Variants in ODF2L observed in about 807,000 individuals in gnomAD.
ODF2L encodes the protein outer dense fiber of sperm tails 2 like, also known as protein BCAP.
In ODF2L, 76 loss-of-function variants were observed where a neutral mutation model predicts 86.3. The ratio of observed to expected loss-of-function variants is 0.88; its 90% CI spans 0.73 to 1.07. The LOEUF is 1.07. ODF2L is among the 50% of genes least tolerant of loss of function. The probability of loss-of-function intolerance (pLI) is 0.00; values close to 1 mark genes in which losing one functional copy is unlikely to be tolerated. For synonymous variants in ODF2L, 241 were observed against 231.3 expected, an observed-to-expected ratio of 1.04 and a Z score of -0.38; for missense variants, 748 against 717.4, an observed-to-expected ratio of 1.04 and a Z score of -0.49.
chr1:86,390,698 C>T (rs1351847693), intron 1 of ODF2L, among the ~76,000 whole-genome samples: 1 of 152,130 alleles, frequency 6.6e-6, no homozygotes, highest in African/African-American at 2.4e-5. Context: ...TAATAAAAGC[C>T]ATCTATGACA....
At chr1:86,353,390 C>G (rs1047330717) in intron 16 of ODF2L, among the ~76,000 whole-genome samples, 10 of 152,112 alleles carry the variant, frequency 6.6e-5, no homozygotes, top group Admixed American at 3.3e-4. Flanking sequence ...GAATTGGGAG[C>G]AGGAATTGGT....
exon 9 of ODF2L, chr1:86,372,467 T>G: frequency 6.6e-7 from 1 of 1,519,484 alleles, no homozygotes; most frequent in Non-Finnish European, 8.8e-7. Context: ...CAATTCGGTT[T>G]TTTCTATCAC....
chr1:86,370,889 C>T, intron 10 of ODF2L, 129 bp downstream of exon 10: 1 of 507,688 alleles, frequency 2.0e-6, no homozygotes, highest in Non-Finnish European at 3.4e-6. Context: ...ACATAATATC[C>T]TGACAAGCAT....
intron 7 of ODF2L, among the ~76,000 whole-genome samples, chr1:86,379,808 G>A (rs955163399): frequency 6.6e-6 from 1 of 152,138 alleles, no homozygotes; most frequent in Non-Finnish European, 1.5e-5. Context: ...ATGACTATAA[G>A]AGTCATAAGA....
intron 11 of ODF2L, among the ~76,000 whole-genome samples, chr1:86,364,526 C>A (rs998810005): frequency 1.3e-5 from 2 of 152,186 alleles, no homozygotes; most frequent in African/African-American, 2.4e-5. Flanking sequence ...TATTTGGCTA[C>A]AGCTCAGAAT....
At chr1:86,367,678 T>C (rs1659536540) in intron 11 of ODF2L, among the ~76,000 whole-genome samples, 1 of 152,152 alleles carries the variant, frequency 6.6e-6, no homozygotes, top group African/African-American at 2.4e-5. Context: ...AAAAAACATT[T>C]ATAAACATAT....
chr1:86,362,467 T>C (rs1397466940), intron 11 of ODF2L, among the ~76,000 whole-genome samples: 1 of 151,464 alleles, frequency 6.6e-6, no homozygotes, highest in African/African-American at 2.4e-5. Flanking sequence ...TTTCAAAAAT[T>C]GTTTGTAGAC....
At chr1:86,365,707 G>C (rs1659357599) in intron 11 of ODF2L, among the ~76,000 whole-genome samples, 1 of 152,174 alleles carries the variant, frequency 6.6e-6, no homozygotes, top group African/African-American at 2.4e-5. Context: ...TATTGTTAAT[G>C]CTTCTGGAAA....
At chr1:86,362,371 G>A (rs1024629138) in intron 11 of ODF2L, among the ~76,000 whole-genome samples, 1 of 151,890 alleles carries the variant, frequency 6.6e-6, no homozygotes, top group Admixed American at 6.6e-5. Context: ...ATGGTTCACT[G>A]CAGCCTCAGC....
At chr1:86,373,298 CTTTT>C (rs568005356) in intron 8 of ODF2L, among the ~76,000 whole-genome samples, 2 of 140,218 alleles carry the variant, frequency 1.4e-5, no homozygotes, top group Admixed American at 1.4e-4. Flanking sequence ...TTCCATTTTA[CTTTT>C]TTTTTTTTTT....
At chr1:86,381,468 T>C (rs1660584295) in intron 7 of ODF2L, among the ~76,000 whole-genome samples, 2 of 152,008 alleles carry the variant, frequency 1.3e-5, no homozygotes, top group South Asian at 2.1e-4. Context: ...GAGTATGGTT[T>C]TGAAACATGC....
At chr1:86,347,461 T>C (rs1360686484), downstream of ODF2L, 2 of 152,188 alleles carry the variant, frequency 1.3e-5, no homozygotes, top group African/African-American at 4.8e-5. Flanking sequence ...TAAGATTTTT[T>C]TTAAAATGAC....
intron 4 of ODF2L, among the ~76,000 whole-genome samples, chr1:86,383,416 C>T (rs954196354): frequency 3.3e-5 from 5 of 151,672 alleles, no homozygotes; most frequent in African/African-American, 1.2e-4. Flanking sequence ...CAAAAGAATG[C>T]TTCAGAAAGT....
chr1:86,362,591 A>G (rs1295304180), intron 11 of ODF2L, among the ~76,000 whole-genome samples: 1 of 152,176 alleles, frequency 6.6e-6, no homozygotes. Context: ...GTGCCCAGGC[A>G]GTCAATGACC....
At chr1:86,361,242 T>A (rs1659014628) in intron 11 of ODF2L, among the ~76,000 whole-genome samples, 1 of 152,062 alleles carries the variant, frequency 6.6e-6, no homozygotes, top group African/African-American at 2.4e-5. Flanking sequence ...GCAATAAGAG[T>A]AGCAAGACTG....
chr1:86,384,981 A>G (rs1037690715), intron 3 of ODF2L, among the ~76,000 whole-genome samples, 180 bp from the exon 4 acceptor site: 2 of 151,982 alleles, frequency 1.3e-5, no homozygotes, highest in Non-Finnish European at 2.9e-5. Flanking sequence ...GTACATTAAA[A>G]TAAAATGAAA....
intron 11 of ODF2L, among the ~76,000 whole-genome samples, chr1:86,368,408 TA>T (rs1461168442): frequency 6.6e-6 from 1 of 152,134 alleles, no homozygotes; most frequent in Non-Finnish European, 1.5e-5. Context: ...CTAAATTTGA[TA>T]AACCAAGGAG....
intron 4 of ODF2L, among the ~76,000 whole-genome samples, chr1:86,383,740 T>C (rs1660745229): frequency 6.6e-6 from 1 of 151,760 alleles, no homozygotes; most frequent in Admixed American, 6.6e-5. Flanking sequence ...AATGCAAAAT[T>C]GTACACGGAA....
At chr1:86,376,519 C>A in intron 7 of ODF2L, 101 bp from the exon 8 acceptor site, 1 of 687,978 alleles carries the variant, frequency 1.5e-6, no homozygotes, top group Non-Finnish European at 2.4e-6. Context: ...GTGTATTACT[C>A]CATTCTCACA....
Sources: gnomAD v4.1 joint callset for allele counts (sites outside exome capture counted in the v4.1 genomes callset) on GRCh38, gnomAD v4.1.1 for gene constraint, MANE v1.5 for transcripts, NCBI Gene and HGNC (gene_info 2026-07-23, HGNC 2026-07-21) for gene names.